The following HS6ST3 variants were observed in gnomAD, a reference collection of about 807,000 sequenced individuals.
HS6ST3 encodes the protein heparan-sulfate 6-O-sulfotransferase 3.
Under a neutral mutation model 36.7 loss-of-function variants are expected in HS6ST3, and 12 were observed. The observed-to-expected ratio is 0.33, with a 90% CI of 0.21 to 0.53. The LOEUF is 0.53. Ranked by LOEUF, HS6ST3 falls within the 20% of genes least tolerant of loss-of-function variation. The pLI, the probability that HS6ST3 is intolerant of heterozygous loss-of-function variation, is 0.95. For missense variants in HS6ST3, 584 were observed against 640.9 expected, an observed-to-expected ratio of 0.91 and a Z score of 0.96; for synonymous variants, 240 against 257.5, an observed-to-expected ratio of 0.93 and a Z score of 0.65.
chr13:96,355,358 TACAC>T (rs66509801), intron 1 of HS6ST3, among the ~76,000 whole-genome samples: 14,071 of 140,342 alleles, frequency 0.1, 765 homozygotes, highest in Middle Eastern at 0.17. Flanking sequence ...AGTCTATAGT[TACAC>T]ACACACACAC....
At chr13:96,228,332 C>T (rs570379976) in intron 1 of HS6ST3, among the ~76,000 whole-genome samples, 11 of 152,286 alleles carry the variant, frequency 7.2e-5, no homozygotes, top group African/African-American at 2.4e-4. Context: ...AATCTTGGCT[C>T]ACTGCAACCT....
intron 1 of HS6ST3, among the ~76,000 whole-genome samples, chr13:96,272,616 T>G (rs1421618843): frequency 6.6e-6 from 1 of 151,964 alleles, no homozygotes; most frequent in Non-Finnish European, 1.5e-5. Flanking sequence ...AGAAGTAAAT[T>G]CTATGTAAGG....
At chr13:96,679,715 C>T (rs1410363721) in intron 1 of HS6ST3, among the ~76,000 whole-genome samples, 2 of 152,132 alleles carry the variant, frequency 1.3e-5, no homozygotes, top group Non-Finnish European at 2.9e-5. Flanking sequence ...CCCTGTAGCC[C>T]CCTTCTTTCC....
chr13:96,749,865 T>C lies in HS6ST3; in HGVS notation c.708-82625T>C, dbSNP rs577665240. 2.6e-5 allele frequency among the ~76,000 whole-genome samples: 4 copies of C among 152,216 alleles called. No homozygotes were observed. The South Asian group carries it at 8.3e-4, about 32-fold the overall frequency. On this transcript the variant is annotated intron_variant, in intron 1 of 1. Transcript: ENST00000376705. ...AGTATTCTTACACTTATTCAAGTCA[T>C]GTCTGTATGTATATAATATTACTTT... is the stretch of plus-strand genomic sequence containing the variant.
chr13:96,097,957 T>A (rs761853168), intron 1 of HS6ST3, among the ~76,000 whole-genome samples: 1 of 152,236 alleles, frequency 6.6e-6, no homozygotes, highest in Non-Finnish European at 1.5e-5. Flanking sequence ...AATGACTCTG[T>A]TATTTCAGGT....
chr13:96,128,807 TC>T (rs2053963107), intron 1 of HS6ST3, among the ~76,000 whole-genome samples: 1 of 151,972 alleles, frequency 6.6e-6, no homozygotes, highest in South Asian at 2.1e-4. Flanking sequence ...GGGAGATCTT[TC>T]CCTTCATCCC....
rs1032258499 is a variant in HS6ST3, at chr13:96,604,703, A to C, written c.708-227787A>C. ...GCCATGAATCTAAAACAAGTTGAGCATATTAATGTGTGTGTACATGCACAT... is the reference window on the plus strand; with the variant it reads ...GCCATGAATCTAAAACAAGTTGAGCCTATTAATGTGTGTGTACATGCACAT... On this transcript the variant is annotated intron_variant, in intron 1 of 1. Coordinates refer to ENST00000376705, the MANE Select transcript of HS6ST3 (RefSeq NM_153456.4). Among the ~76,000 whole-genome samples, 19 of 152,198 alleles carry C rather than the reference A, an allele frequency of 1.2e-4. 1 individual carries two copies. The South Asian group carries it at 1.4e-3, about 12-fold the overall frequency.
intron 1 of HS6ST3, among the ~76,000 whole-genome samples, chr13:96,145,615 C>T (rs2054054193): frequency 1.3e-5 from 2 of 152,044 alleles, no homozygotes; most frequent in Admixed American, 1.3e-4. Context: ...CCTTTTCACT[C>T]TGATGGTGGT....
intron 1 of HS6ST3, among the ~76,000 whole-genome samples, chr13:96,330,659 T>G (rs1409963067): frequency 6.7e-6 from 1 of 148,552 alleles, no homozygotes; most frequent in Non-Finnish European, 1.5e-5. Flanking sequence ...CAATTATGTG[T>G]CTTGGAGTTG....
Position 96,761,196 on chromosome 13 carries a change from G to T in HS6ST3, c.708-71294G>T, listed in dbSNP as rs530079894. On this transcript the variant is annotated intron_variant, in intron 1 of 1. Transcript: ENST00000376705. ...CTGACACAATCTCGGCTCACTGCAG[G>T]CTGGAGCTCCCTGTGAAGTGCTGGC... Among the ~76,000 whole-genome samples the T allele has an allele frequency of 1.1e-3, 171 of 151,682 alleles. 1 individual carries two copies. The highest frequency in any genetic ancestry group is 3.5e-3 in the African/African-American group (146 of 41,364).
intron 1 of HS6ST3, among the ~76,000 whole-genome samples, chr13:96,273,224 G>C (rs1206449086): frequency 6.6e-6 from 1 of 151,862 alleles, no homozygotes; most frequent in Non-Finnish European, 1.5e-5. Context: ...TTCATGATGA[G>C]GTAGGGCTAT....
At chr13:96,339,655 G>T (rs1302905797) in intron 1 of HS6ST3, among the ~76,000 whole-genome samples, 1 of 152,182 alleles carries the variant, frequency 6.6e-6, no homozygotes. Flanking sequence ...GAACTGGATT[G>T]TTCTTCAGCC....
At chr13:96,391,502 C>T (rs935290740) in intron 1 of HS6ST3, among the ~76,000 whole-genome samples, 2 of 152,152 alleles carry the variant, frequency 1.3e-5, no homozygotes, top group Non-Finnish European at 2.9e-5. Flanking sequence ...CTTCAGCTCT[C>T]ATACTATAGA....
intron 1 of HS6ST3, among the ~76,000 whole-genome samples, chr13:96,701,887 A>C (rs773731252): frequency 1.3e-5 from 2 of 152,160 alleles, no homozygotes; most frequent in Admixed American, 6.5e-5. Flanking sequence ...ACTCAAACCC[A>C]GGAGGTGGAG....
intron 1 of HS6ST3, among the ~76,000 whole-genome samples, chr13:96,785,390 C>A (rs1408627802): frequency 6.6e-6 from 1 of 151,756 alleles, no homozygotes; most frequent in African/African-American, 2.4e-5. Context: ...AGAAATAACT[C>A]AGATCAGTCA....
chr13:96,836,917 C>G lies in HS6ST3; in HGVS notation c.*3719C>G, dbSNP rs1878940317. 1 of 152,242 alleles carries G rather than the reference C, an allele frequency of 6.6e-6. No homozygotes were observed. The highest frequency in any genetic ancestry group is 1.5e-5 in the Non-Finnish European group (1 of 68,060). The allele number at this position is 152,242 out of a possible 1,614,324, so 9.4% of individuals were successfully genotyped here. A position where few individuals can be genotyped will look rare whatever the true frequency, so the allele number is the denominator to read the frequency against. The stretch of plus-strand genomic sequence containing the variant: ...TCATCCTAATGTGCTGCATCCACCT[C>G]ATGGACCAAGATGGCTGCCACAGCT... On this transcript the variant is annotated 3_prime_UTR_variant, in exon 2 of 2. Transcript: ENST00000376705.
chr13:96,159,257 G>A (rs1419721739), intron 1 of HS6ST3, among the ~76,000 whole-genome samples: 1 of 152,180 alleles, frequency 6.6e-6, no homozygotes, highest in Non-Finnish European at 1.5e-5. Context: ...AAAAGGAGGA[G>A]AGTGAATTGC....
intron 1 of HS6ST3, among the ~76,000 whole-genome samples, chr13:96,561,600 C>T (rs545713919): frequency 6.6e-6 from 1 of 151,874 alleles, no homozygotes; most frequent in African/African-American, 2.4e-5. Flanking sequence ...TAAACAGGCA[C>T]CCTATTGGAT....
At chr13:96,338,169 A>G (rs1460283864) in intron 1 of HS6ST3, among the ~76,000 whole-genome samples, 1 of 151,788 alleles carries the variant, frequency 6.6e-6, no homozygotes, top group African/African-American at 2.4e-5. Context: ...GCTTTTCTCC[A>G]ATGTTTGGTG....
Sources: allele counts gnomAD v4.1 joint callset (sites outside exome capture counted in the v4.1 genomes callset), GRCh38; gene constraint gnomAD v4.1.1; transcripts MANE v1.5; gene names NCBI Gene and HGNC (gene_info 2026-07-23, HGNC 2026-07-21).